The following EGFR variants were observed in gnomAD, a reference collection of about 807,000 sequenced individuals.
EGFR encodes the protein avian erythroblastic leukemia viral (v-erb-b) oncogene homolog.
EGFR carries 58 observed loss-of-function variants against 143.0 expected under a neutral mutation model. The observed-to-expected ratio is 0.41, with a 90% CI of 0.33 to 0.50. EGFR has a LOEUF of 0.50. EGFR is among the 20% of genes least tolerant of loss of function. EGFR has a pLI of 0.39. For missense variants in EGFR, 1,307 were observed against 1,579.0 expected (o/e 0.83, Z 2.92); for synonymous variants, 613 against 594.4 (o/e 1.03, Z -0.45).
At chr7:55,097,983 T>A (rs1791578814) in intron 1 of EGFR, among the ~76,000 whole-genome samples, 1 of 152,082 alleles carries the variant, frequency 6.6e-6, no homozygotes, top group South Asian at 2.1e-4. Context: ...GGTTTTATCA[T>A]AGGAAGTTCA....
Position 55,139,436 on chromosome 7 carries a change from C to T in EGFR, c.89-2850C>T, listed in dbSNP as rs372052809. Among the ~76,000 whole-genome samples the T allele has an allele frequency of 7.9e-5, 12 of 152,188 alleles. No individual in the cohort carries two copies. The East Asian group carries it at 1.4e-3, about 17-fold the overall frequency. Reference sequence around the variant, plus strand: ...TATAAGGATGGAACCAAGATCATACCTTGTTTTAATTAGAAAACCTAGACC... The same window carrying T: ...TATAAGGATGGAACCAAGATCATACTTTGTTTTAATTAGAAAACCTAGACC... On this transcript the variant is annotated intron_variant, in intron 1 of 27. Transcript: ENST00000275493.
chr7:55,196,179 T>TTTTTTTTTTTTTTC lies in EGFR; in HGVS notation c.2702-2525_2702-2524insCTTTTTTTTTTTTT, dbSNP rs1180790010. Among the ~76,000 whole-genome samples the TTTTTTTTTTTTTTC allele has an allele frequency of 1.3e-4, 4 of 30,414 alleles. No individual in the cohort carries two copies. In the East Asian group the frequency reaches 6.9e-3, roughly 53 times the overall value. 20.0% of individuals were successfully genotyped at this position (30,414 alleles called of 152,430 possible). On this transcript the variant is annotated intron_variant, in intron 22 of 27. Coordinates refer to ENST00000275493, the MANE Select transcript of EGFR (RefSeq NM_005228.5). Reference sequence around the variant, plus strand: ...ACAACCTCACCAGCATGTGTTGGGATTTTTTTTTTTTTTTACTTTTCAATA... The same window carrying TTTTTTTTTTTTTTC: ...ACAACCTCACCAGCATGTGTTGGGATTTTTTTTTTTTTTCTTTTTTTTTTTTTTACTTTTCAATA...
intron 1 of EGFR, among the ~76,000 whole-genome samples, chr7:55,126,813 T>C (rs1793550234): frequency 6.6e-6 from 1 of 152,248 alleles, no homozygotes; most frequent in South Asian, 2.1e-4. Context: ...ATTTTATAAA[T>C]GTTATCTTGT....
chr7:55,033,400 A>G (rs943617371), intron 1 of EGFR, among the ~76,000 whole-genome samples: 1 of 152,162 alleles, frequency 6.6e-6, no homozygotes, highest in African/African-American at 2.4e-5. Context: ...ACTCTGCCAT[A>G]TGCCCTGGCC....
At chr7:55,035,641 C>T (rs1195173833) in intron 1 of EGFR, among the ~76,000 whole-genome samples, 2 of 149,070 alleles carry the variant, frequency 1.3e-5, no homozygotes, top group African/African-American at 2.5e-5. Context: ...GCAGAGATTG[C>T]ACCACTGCAC....
intron 21 of EGFR, 107 bp from the exon 22 acceptor site, chr7:55,192,659 T>G: frequency 9.8e-7 from 1 of 1,019,190 alleles, no homozygotes; most frequent in South Asian, 1.3e-5. Context: ...TGGGGTGATC[T>G]GGCTCGTCTG....
intron 27 of EGFR, among the ~76,000 whole-genome samples, chr7:55,203,838 T>C (rs1787982083): frequency 6.6e-6 from 1 of 151,584 alleles, no homozygotes; most frequent in African/African-American, 2.4e-5. Flanking sequence ...ATATAAAACA[T>C]ATGTTATATA....
In EGFR at chr7:55,095,704, A is replaced by G. The variant is rs570034259; in HGVS notation, c.89-46582A>G. 2.3e-4 allele frequency among the ~76,000 whole-genome samples: 28 copies of G among 120,144 alleles called. 1 individual carries two copies. The South Asian group carries it at 7.7e-3, about 33-fold the overall frequency. 78.8% of individuals were successfully genotyped at this position (120,144 alleles called of 152,430 possible). On this transcript the variant is annotated intron_variant, in intron 1 of 27. Transcript: ENST00000275493. ...ATACACACAGACACACGCACACAGC[A>G]CACAGAGATACACACAGACACACAC...
At chr7:55,131,990 G>T (rs1466690389) in intron 1 of EGFR, among the ~76,000 whole-genome samples, 1 of 149,744 alleles carries the variant, frequency 6.7e-6, no homozygotes, top group African/African-American at 2.4e-5. Context: ...TGCTCCTGGT[G>T]TCTTTGTGAT....
intron 1 of EGFR, among the ~76,000 whole-genome samples, chr7:55,020,810 C>T (rs1261786917): frequency 1.3e-5 from 2 of 151,722 alleles, no homozygotes; most frequent in African/African-American, 2.4e-5. Context: ...TGGTGCCCAG[C>T]GCGGTCGTTG....
intron 20 of EGFR, among the ~76,000 whole-genome samples, chr7:55,183,560 G>A (rs1414602590): frequency 1.3e-5 from 2 of 152,172 alleles, no homozygotes; most frequent in Non-Finnish European, 2.9e-5. Context: ...GTCAGCCTGG[G>A]GCAGATGTTG....
intron 1 of EGFR, among the ~76,000 whole-genome samples, chr7:55,052,134 C>G (rs527571406): frequency 6.6e-6 from 1 of 152,254 alleles, no homozygotes; most frequent in African/African-American, 2.4e-5. Context: ...TGGTCAAGTC[C>G]TTTATTCTTC....
chr7:55,098,442 T>C (rs28411673), intron 1 of EGFR, among the ~76,000 whole-genome samples: 1,613 of 152,258 alleles, frequency 0.011, 26 homozygotes, highest in African/African-American at 0.037. Flanking sequence ...GCCAGTAAAA[T>C]GTATTTTTGG....
intron 20 of EGFR, 142 bp from the exon 21 acceptor site, chr7:55,191,577 A>T (rs2128964066): frequency 9.8e-7 from 1 of 1,022,860 alleles, no homozygotes; most frequent in South Asian, 1.4e-5. Flanking sequence ...CATTCTTTGG[A>T]TCAGTAGTCA....
At position 55,019,048 on chromosome 7, in the gene EGFR, C is replaced by A. The variant is rs1786343953; in HGVS notation, c.-230C>A. On this transcript the variant is annotated 5_prime_UTR_variant, in exon 1 of 28. Transcript: ENST00000275493. Reference sequence around the variant, plus strand: ...CCGGGCAGCCCCCGGCGCAGCGCGGCCGCAGCAGCCTCCGCCCCCCGCACG... The same window carrying A: ...CCGGGCAGCCCCCGGCGCAGCGCGGACGCAGCAGCCTCCGCCCCCCGCACG... 8.2e-6 allele frequency: 2 copies of A among 244,804 alleles called. No individual in the cohort carries two copies. The highest frequency in any genetic ancestry group is 1.1e-4 in the Admixed American group (2 of 17,790). 15.2% of individuals were successfully genotyped at this position (244,804 alleles called of 1,614,324 possible).
intron 15 of EGFR, chr7:55,170,155 G>A: frequency 7.3e-7 from 1 of 1,378,476 alleles, no homozygotes; most frequent in Non-Finnish European, 9.9e-7. Flanking sequence ...ATGGAAAAGA[G>A]GGAGCACCCA....
rs117716966 is a variant in EGFR at position 55,183,026 on chromosome 7, G to A, written c.2469+1548G>A. Among the ~76,000 whole-genome samples, 9 of 152,298 alleles carry A rather than the reference G, an allele frequency of 5.9e-5. No homozygotes were observed. In the East Asian group the frequency reaches 1.7e-3, roughly 29 times the overall value. On this transcript the variant is annotated intron_variant, in intron 20 of 27. Transcript: ENST00000275493. ...ATTCCCTCCTGGCTCTGGAGGCCAGGTGTCTAAAAGGCCATGCTCCCACAA... is the reference window on the plus strand; with the variant it reads ...ATTCCCTCCTGGCTCTGGAGGCCAGATGTCTAAAAGGCCATGCTCCCACAA...
At chr7:55,107,375 T>A in intron 1 of EGFR, among the ~76,000 whole-genome samples, 1 of 152,260 alleles carries the variant, frequency 6.6e-6, no homozygotes, top group Admixed American at 6.5e-5. Context: ...TTGATGTTAT[T>A]TGATGACAGA....
At position 55,165,331 on chromosome 7, in the gene EGFR, G is replaced by A. The variant is rs144943614; in HGVS notation, c.1774G>A (p.Val592Ile). Residue 592 changes from valine to isoleucine, a missense_variant, in exon 15 of 28, where the codon GTC becomes ATC. By Grantham distance (29) the Val-to-Ile change is conservative. Transcript: ENST00000275493. ...CCACTACATTGACGGCCCCCACTGCGTCAAGACCTGCCCGGCAGGAGTCAT... is the reference window on the plus strand; with the variant it reads ...CCACTACATTGACGGCCCCCACTGCATCAAGACCTGCCCGGCAGGAGTCAT... ...CAHYIDGPHC[V>I]KTCPAGVMGE... is the part of the protein sequence containing the mutation. 9.7e-5 allele frequency: 156 copies of A among 1,614,174 alleles called. No homozygotes were observed. The highest frequency in any genetic ancestry group is 8.5e-4 in the East Asian group (38 of 44,890).
Sources: gnomAD v4.1 joint callset for allele counts (sites outside exome capture counted in the v4.1 genomes callset) on GRCh38, gnomAD v4.1.1 for gene constraint, MANE v1.5 for transcripts, NCBI Gene and HGNC (gene_info 2026-07-23, HGNC 2026-07-21) for gene names.